GRM1: variants seen among roughly 807,000 people sequenced by gnomAD.
The protein encoded by GRM1 is metabotropic glutamate receptor 1.
Under a neutral mutation model 90.9 loss-of-function variants are expected in GRM1, and 33 were observed. The ratio of observed to expected loss-of-function variants is 0.36; its 90% CI spans 0.28 to 0.49. GRM1 has a LOEUF of 0.49. GRM1 is among the 20% of genes least tolerant of loss of function. The pLI is 0.99. For missense variants in GRM1, 1,190 were observed against 1,534.3 expected, an observed-to-expected ratio of 0.78 and a Z score of 3.75; for synonymous variants, 700 against 613.2, an observed-to-expected ratio of 1.14 and a Z score of -2.09.
intron 5 of GRM1, among the ~76,000 whole-genome samples, chr6:146,360,154 G>A (rs550239103): frequency 6.6e-6 from 1 of 152,156 alleles, no homozygotes; most frequent in East Asian, 1.9e-4. Flanking sequence ...TGTATTAACT[G>A]GGAAATACAG....
chr6:146,255,727 T>A (rs921525465), intron 2 of GRM1, among the ~76,000 whole-genome samples: 1 of 152,126 alleles, frequency 6.6e-6, no homozygotes, highest in Non-Finnish European at 1.5e-5. Flanking sequence ...TAACAAACTA[T>A]CTGAACACGA....
chr6:146,122,839 C>CTTTTTTTTTTTTTTTTTTT (rs57859188), intron 1 of GRM1, among the ~76,000 whole-genome samples: 27 of 62,226 alleles, frequency 4.3e-4, no homozygotes, highest in Non-Finnish European at 5.8e-4. Context: ...TCTTTTCTTT[C>CTTTTTTTTTTTTTTTTTTT]TTTTTTTTTT....
At chr6:146,331,879 A>G (rs1203817023) in intron 3 of GRM1, among the ~76,000 whole-genome samples, 1 of 152,184 alleles carries the variant, frequency 6.6e-6, no homozygotes, top group Non-Finnish European at 1.5e-5. Flanking sequence ...AACGGCCTTA[A>G]GGTCAACTCA....
Position 146,203,928 on chromosome 6 carries a change from T to C in GRM1, c.950+44331T>C, listed in dbSNP as rs150961215. Reference sequence around the variant, plus strand: ...CCTTTGGGTATGTGGATAGCAAAAATCTTTTCAAATAAAAAGAAGTATTTT... The same window carrying C: ...CCTTTGGGTATGTGGATAGCAAAAACCTTTTCAAATAAAAAGAAGTATTTT... On this transcript the variant is annotated intron_variant, in intron 2 of 7. Coordinates refer to ENST00000282753, the MANE Select transcript of GRM1 (RefSeq NM_001278064.2). Among the ~76,000 whole-genome samples, 592 of 152,356 alleles carry C rather than the reference T, an allele frequency of 3.9e-3. 1 individual carries two copies. Among genetic ancestry groups the C allele is most frequent in the African/African-American group, 0.011 (462 of 41,584 alleles).
chr6:146,303,420 C>T (rs1321023990), intron 2 of GRM1, among the ~76,000 whole-genome samples: 1 of 152,138 alleles, frequency 6.6e-6, no homozygotes, highest in Non-Finnish European at 1.5e-5. Context: ...CCTGACGTCC[C>T]TTTTCTAAGA....
Position 146,106,629 on chromosome 6 carries a change from A to G in GRM1, c.701-52719A>G, listed in dbSNP as rs77290522. ...ATAAGGGGCTACATCTCTTAAAACA[A>G]GAAATTTGTATTCAGCAGCCTGAAG... On this transcript the variant is annotated intron_variant, in intron 1 of 7. Transcript: ENST00000282753. 2.6e-5 allele frequency among the ~76,000 whole-genome samples: 4 copies of G among 152,332 alleles called. No homozygotes were observed. In the East Asian group the frequency reaches 7.7e-4, roughly 29 times the overall value.
chr6:146,340,029 C>T lies in GRM1; in HGVS notation c.1187-12221C>T, dbSNP rs362861. Among the ~76,000 whole-genome samples, 9 of 152,188 alleles carry T rather than the reference C, an allele frequency of 5.9e-5. 1 individual carries two copies. Among genetic ancestry groups the T allele is most frequent in the African/African-American group, 1.4e-4 (6 of 41,452 alleles). ...TTCAGTTTACATTAGCAGTTGCAGA[C>T]GTACCTGGTGACTATGACTCAGCAG... On this transcript the variant is annotated intron_variant, in intron 3 of 7. Transcript: ENST00000282753.
intron 2 of GRM1, among the ~76,000 whole-genome samples, chr6:146,263,465 A>C (rs1178213095): frequency 6.6e-6 from 1 of 152,024 alleles, no homozygotes; most frequent in Admixed American, 6.5e-5. Context: ...GTTATTCTTT[A>C]TGCCCTTTAC....
intron 5 of GRM1, among the ~76,000 whole-genome samples, chr6:146,372,064 T>C (rs1357922315): frequency 6.6e-6 from 1 of 152,156 alleles, no homozygotes; most frequent in African/African-American, 2.4e-5. Context: ...TTGTACTAAT[T>C]TACATTCCCA....
At chr6:146,155,597 G>T (rs959195290) in intron 1 of GRM1, among the ~76,000 whole-genome samples, 3 of 152,192 alleles carry the variant, frequency 2.0e-5, no homozygotes, top group Admixed American at 6.5e-5. Flanking sequence ...ATCAGGAAAG[G>T]CTTTTCAAAG....
intron 2 of GRM1, 101 bp from the exon 3 acceptor site, chr6:146,304,510 C>T: frequency 3.5e-6 from 3 of 864,444 alleles, no homozygotes; most frequent in Non-Finnish European, 5.8e-6. Flanking sequence ...TTAAAATAGT[C>T]TGTAGCCTTT....
chr6:146,322,702 T>TTAAC (rs1784244207), intron 3 of GRM1, among the ~76,000 whole-genome samples: 1 of 152,058 alleles, frequency 6.6e-6, no homozygotes, highest in African/African-American at 2.4e-5. Flanking sequence ...GCTGCACCCA[T>TTAAC]TAACTCATCA....
intron 7 of GRM1, among the ~76,000 whole-genome samples, chr6:146,424,623 C>G (rs1303813195): frequency 6.6e-6 from 1 of 152,220 alleles, no homozygotes; most frequent in Non-Finnish European, 1.5e-5. Flanking sequence ...GTGCAGGGCT[C>G]TTCGGAGGTA....
intron 2 of GRM1, among the ~76,000 whole-genome samples, chr6:146,278,347 A>G (rs1228825064): frequency 2.0e-5 from 3 of 152,186 alleles, no homozygotes; most frequent in African/African-American, 7.2e-5. Flanking sequence ...TGTGGCATAG[A>G]GAGTATTTGG....
intron 7 of GRM1, among the ~76,000 whole-genome samples, chr6:146,418,933 A>G (rs1777886847): frequency 6.6e-6 from 1 of 152,214 alleles, no homozygotes; most frequent in Non-Finnish European, 1.5e-5. Context: ...ATTGGGGCAT[A>G]TGAAAGCAGA....
chr6:146,216,173 C>G (rs543932470), intron 2 of GRM1, among the ~76,000 whole-genome samples: 2 of 152,214 alleles, frequency 1.3e-5, no homozygotes, highest in South Asian at 4.1e-4. Context: ...GTATCAGACT[C>G]TAGTATGTAT....
Position 146,434,406 on chromosome 6 carries a change from G to A in GRM1, c.3195G>A (p.Leu1065=). The part of the protein sequence containing the change: ...PGGPGNGLRS[L]YPPPPPPQHL... Reference sequence around the variant, plus strand: ...GTCCCGGGAACGGGCTGCGGTCCCTGTACCCGCCCCCGCCACCTCCGCAGC... The same window carrying A: ...GTCCCGGGAACGGGCTGCGGTCCCTATACCCGCCCCCGCCACCTCCGCAGC... The change falls in exon 8 of 8, where the codon CTG becomes CTA. Residue 1065 remains leucine (L), a synonymous_variant. Coordinates refer to ENST00000282753, the MANE Select transcript of GRM1 (RefSeq NM_001278064.2). 3 of 1,613,464 alleles carry A rather than the reference G, an allele frequency of 1.9e-6. No individual in the cohort carries two copies. The highest frequency in any genetic ancestry group is 2.5e-6 in the Non-Finnish European group (3 of 1,179,784).
chr6:146,104,583 C>T (rs1042345396), intron 1 of GRM1, among the ~76,000 whole-genome samples: 1 of 152,112 alleles, frequency 6.6e-6, no homozygotes, highest in Non-Finnish European at 1.5e-5. Flanking sequence ...CACTGGAGAA[C>T]CATCAAAGTG....
At chr6:146,375,403 T>C (rs977344697) in intron 5 of GRM1, among the ~76,000 whole-genome samples, 11 of 151,966 alleles carry the variant, frequency 7.2e-5, no homozygotes, top group Non-Finnish European at 1.3e-4. Flanking sequence ...AATTATCTAT[T>C]AGATCCATTT....
Sources: gnomAD v4.1 joint callset for allele counts (sites outside exome capture counted in the v4.1 genomes callset) on GRCh38, gnomAD v4.1.1 for gene constraint, MANE v1.5 for transcripts, NCBI Gene and HGNC (gene_info 2026-07-23, HGNC 2026-07-21) for gene names.